PF4V1: variants seen among roughly 807,000 people sequenced by gnomAD.
The protein encoded by PF4V1 is platelet factor 4 variant 1, also known as platelet factor 4 variant.
A neutral mutation model predicts 6.9 loss-of-function variants in PF4V1; 4 were observed. That is an observed-to-expected ratio of 0.58 (90% confidence interval 0.29 to 1.34). The LOEUF is 1.34. Ranked by LOEUF, PF4V1 falls within the 40% of genes most tolerant of loss-of-function variation. The probability of loss-of-function intolerance (pLI) is 0.09; values close to 1 mark genes in which losing one functional copy is unlikely to be tolerated. For missense variants in PF4V1, 127 were observed against 128.6 expected, an observed-to-expected ratio of 0.99 and a Z score of 0.06; for synonymous variants, 68 against 55.9, an observed-to-expected ratio of 1.22 and a Z score of -0.97.
At position 73,854,151 on chromosome 4, in the gene PF4V1, A is replaced by G. The variant is rs1731492142; in HGVS notation, c.*29A>G. 1.2e-5 allele frequency: 17 copies of G among 1,444,826 alleles called. No homozygotes were observed. Among genetic ancestry groups the G allele is most frequent in the Non-Finnish European group, 1.5e-5 (15 of 1,026,780 alleles). 89.5% of individuals were successfully genotyped at this position (1,444,826 alleles called of 1,614,324 possible). A position where few individuals can be genotyped will look rare whatever the true frequency, so the allele number is the denominator to read the frequency against. ...CTAGCTGCCTAAGTGTGCACTTTCA[A>G]TCTAACTGTGAAAGAATCTTCTGAT... On this transcript the variant is annotated 3_prime_UTR_variant, in exon 3 of 3. Coordinates refer to ENST00000226524, the MANE Select transcript of PF4V1 (RefSeq NM_002620.4).
rs2109762609 is a variant in PF4V1, at chr4:73,854,234, A to C, written c.*112A>C. The C allele has an allele frequency of 1.4e-6, 1 of 718,204 alleles. No homozygotes were observed. The highest frequency in any genetic ancestry group is 2.9e-5 in the Admixed American group (1 of 34,246). 44.5% of individuals were successfully genotyped at this position (718,204 alleles called of 1,614,324 possible). A position where few individuals can be genotyped will look rare whatever the true frequency, so the allele number is the denominator to read the frequency against. ...AAATAAATCAAGTTGTGGTATAGTC[A>C]ATCTATTTCTTAATAATACTGCAAA... On this transcript the variant is annotated 3_prime_UTR_variant, in exon 3 of 3. Transcript: ENST00000226524.
In PF4V1 at chr4:73,853,535, G is replaced by A. The variant is rs925209442; in HGVS notation, c.100+73G>A. 2.7e-6 allele frequency: 4 copies of A among 1,509,090 alleles called. No homozygotes were observed. In the African/African-American group the frequency reaches 4.1e-5, roughly 16 times the overall value. 93.5% of individuals were successfully genotyped at this position (1,509,090 alleles called of 1,614,324 possible). On this transcript the variant is annotated intron_variant, in intron 1 of 2. Coordinates refer to ENST00000226524, the MANE Select transcript of PF4V1 (RefSeq NM_002620.4). Reference sequence around the variant, plus strand: ...TCCGGGAAGCCCTGGGGCTGGGGAGGAATCCTCTAGGATCATGATCGCAGC... The same window carrying A: ...TCCGGGAAGCCCTGGGGCTGGGGAGAAATCCTCTAGGATCATGATCGCAGC...
chr4:73,853,322 T>C lies in PF4V1; in HGVS notation c.-41T>C. ...CTGCCTGCAGAACCCCAGCCCGACT[T>C]TCCCTGCGCACTGGGATCCTGCTGG... is the stretch of plus-strand genomic sequence containing the variant. On this transcript the variant is annotated 5_prime_UTR_variant, in exon 1 of 3. Coordinates refer to ENST00000226524, the MANE Select transcript of PF4V1 (RefSeq NM_002620.4). 6.5e-7 allele frequency: 1 copy of C among 1,541,588 alleles called. No homozygotes were observed. The highest frequency in any genetic ancestry group is 9.0e-7 in the Non-Finnish European group (1 of 1,114,260).
intron 2 of PF4V1, 32 bp downstream of exon 2, chr4:73,853,941 C>A (rs1731486408): frequency 1.2e-6 from 2 of 1,601,674 alleles, no homozygotes; most frequent in African/African-American, 2.8e-5. Context: ...GTTAGTGCTC[C>A]CGCTCCGTGC....
intron 1 of PF4V1, 113 bp downstream of exon 1, chr4:73,853,575 G>C (rs1184163768): frequency 7.4e-7 from 1 of 1,359,658 alleles, no homozygotes; most frequent in Non-Finnish European, 1.0e-6. Flanking sequence ...CTTATTGCGC[G>C]CGTGCTGAGT....
In PF4V1 at chr4:73,853,328, G is replaced by C. The variant is rs770634513; in HGVS notation, c.-35G>C. 1 of 1,569,856 alleles carries C rather than the reference G, an allele frequency of 6.4e-7. No individual in the cohort carries two copies. Among genetic ancestry groups the C allele is most frequent in the East Asian group, 2.2e-5 (1 of 44,676 alleles). ...GCAGAACCCCAGCCCGACTTTCCCT[G>C]CGCACTGGGATCCTGCTGGAACCTC... On this transcript the variant is annotated 5_prime_UTR_variant, in exon 1 of 3. Transcript: ENST00000226524.
chr4:73,853,371 C>T lies in PF4V1; in HGVS notation c.9C>T (p.Ser3=), dbSNP rs185136037. ...GGAACCTCAGCTGCAACATGAGCTCCGCAGCCAGGTCCCGCCTCACCCGCG... is the reference window on the plus strand; with the variant it reads ...GGAACCTCAGCTGCAACATGAGCTCTGCAGCCAGGTCCCGCCTCACCCGCG... MS[S]AARSRLTRAT... Residue 3 remains serine (S), a synonymous_variant, in exon 1 of 3, where the codon TCC becomes TCT. Transcript: ENST00000226524. 16 of 1,613,846 alleles carry T rather than the reference C, an allele frequency of 9.9e-6. No homozygotes were observed. Among genetic ancestry groups the T allele is most frequent in the African/African-American group, 1.3e-5 (1 of 75,068 alleles).
intron 1 of PF4V1, 50 bp downstream of exon 1, chr4:73,853,512 C>A: frequency 6.5e-7 from 1 of 1,547,880 alleles, no homozygotes. Context: ...AGGGGGAGTC[C>A]GGGAAGCCCT....
At position 73,853,800 on chromosome 4, in the gene PF4V1, G is replaced by A. The variant is rs752058536; in HGVS notation, c.118G>A (p.Gly40Arg). 6.2e-6 allele frequency: 10 copies of A among 1,611,814 alleles called. No individual in the cohort carries two copies. In the East Asian group the frequency reaches 2.2e-4, roughly 36 times the overall value. The stretch of plus-strand genomic sequence containing the variant: ...CCCCTCAGCTGAAGCTGAAGAAGAT[G>A]GGGACCTGCAGTGCCTGTGTGTGAA... ...AFARAEAEED[G>R]DLQCLCVKTT... Residue 40 changes from glycine to arginine, a missense_variant, in exon 2 of 3, where the codon GGG becomes AGG. By Grantham distance (125) the Gly-to-Arg change is moderately radical (BLOSUM62 -2). Coordinates refer to ENST00000226524, the MANE Select transcript of PF4V1 (RefSeq NM_002620.4).
chr4:73,853,721 C>T, intron 1 of PF4V1, 62 bp from the exon 2 acceptor site: 4 of 1,543,946 alleles, frequency 2.6e-6, no homozygotes, highest in Non-Finnish European at 3.5e-6. Context: ...GTATCTCTGG[C>T]TACTCAGGGA....
intron 1 of PF4V1, 100 bp from the exon 2 acceptor site, chr4:73,853,683 G>T: frequency 1.4e-6 from 2 of 1,456,612 alleles, no homozygotes; most frequent in African/African-American, 1.4e-5. Flanking sequence ...GGAAAAGAAA[G>T]CTGAAGGTAG....
intron 2 of PF4V1, 34 bp from the exon 3 acceptor site, chr4:73,854,001 C>A: frequency 6.2e-7 from 1 of 1,613,230 alleles, no homozygotes; most frequent in South Asian, 1.1e-5. Context: ...AACCCAAGGA[C>A]TGAAAGTCAC....
intron 2 of PF4V1, 50 bp downstream of exon 2, chr4:73,853,959 G>A (rs1180225548): frequency 5.0e-6 from 8 of 1,604,626 alleles, no homozygotes; most frequent in Non-Finnish European, 6.8e-6. Flanking sequence ...TGCCTCCTCT[G>A]CCCATCCCTC....
At chr4:73,854,003 G>T in intron 2 of PF4V1, 32 bp from the exon 3 acceptor site, 1 of 1,613,344 alleles carries the variant, frequency 6.2e-7, no homozygotes, top group Non-Finnish European at 8.5e-7. Context: ...CCCAAGGACT[G>T]AAAGTCACGT....
At chr4:73,853,983 C>T (rs935566576) in intron 2 of PF4V1, 52 bp from the exon 3 acceptor site, 11 of 1,610,992 alleles carry the variant, frequency 6.8e-6, no homozygotes, top group Non-Finnish European at 9.3e-6. Context: ...CTTCTAATGC[C>T]ATTTGCAAAC....
intron 2 of PF4V1, 37 bp from the exon 3 acceptor site, chr4:73,853,998 G>A (rs772545680): frequency 1.2e-6 from 2 of 1,612,784 alleles, no homozygotes; most frequent in Admixed American, 3.3e-5. Context: ...GCAAACCCAA[G>A]GACTGAAAGT....
Position 73,854,223 on chromosome 4 carries a change from G to A in PF4V1, c.*101G>A. 1.3e-6 allele frequency: 1 copy of A among 773,920 alleles called. No homozygotes were observed. Among genetic ancestry groups the A allele is most frequent in the Non-Finnish European group, 2.1e-6 (1 of 485,362 alleles). The allele number at this position is 773,920 out of a possible 1,614,324, so 47.9% of individuals were successfully genotyped here. A position where few individuals can be genotyped will look rare whatever the true frequency, so the allele number is the denominator to read the frequency against. On this transcript the variant is annotated 3_prime_UTR_variant, in exon 3 of 3. Coordinates refer to ENST00000226524, the MANE Select transcript of PF4V1 (RefSeq NM_002620.4). ...TTATATTAACGAAATAAATCAAGTT[G>A]TGGTATAGTCAATCTATTTCTTAAT...
Position 73,854,212 on chromosome 4 carries a change from TAAATC to T in PF4V1, c.*93_*97del. On this transcript the variant is annotated 3_prime_UTR_variant, in exon 3 of 3. Coordinates refer to ENST00000226524, the MANE Select transcript of PF4V1 (RefSeq NM_002620.4). The stretch of plus-strand genomic sequence containing the variant: ...TCCTTCTTATATTATATTAACGAAA[TAAATC>T]AAGTTGTGGTATAGTCAATCTATTT... The T allele has an allele frequency of 1.2e-6, 1 of 833,922 alleles. No individual in the cohort carries two copies. The highest frequency in any genetic ancestry group is 1.9e-6 in the Non-Finnish European group (1 of 536,832). 51.7% of individuals were successfully genotyped at this position (833,922 alleles called of 1,614,324 possible).
At position 73,853,296 on chromosome 4, in the gene PF4V1, A is replaced by C; in HGVS notation, c.-67A>C. On this transcript the variant is annotated 5_prime_UTR_variant, in exon 1 of 3. Transcript: ENST00000226524. ...AAGAAGCCTGGTGAGGCCAGGAGTCACTGCCTGCAGAACCCCAGCCCGACT... is the reference window on the plus strand; with the variant it reads ...AAGAAGCCTGGTGAGGCCAGGAGTCCCTGCCTGCAGAACCCCAGCCCGACT... 1 of 1,256,778 alleles carries C rather than the reference A, an allele frequency of 8.0e-7. No individual in the cohort carries two copies. Among genetic ancestry groups the C allele is most frequent in the Non-Finnish European group, 1.2e-6 (1 of 856,638 alleles). The allele number at this position is 1,256,778 out of a possible 1,614,324, so 77.9% of individuals were successfully genotyped here.
Sources: allele counts gnomAD v4.1 joint callset, GRCh38; gene constraint gnomAD v4.1.1; transcripts MANE v1.5; gene names NCBI Gene and HGNC (gene_info 2026-07-23, HGNC 2026-07-21).